The following MSRA variants were observed in gnomAD, a reference collection of about 807,000 sequenced individuals.
MSRA encodes mitochondrial peptide methionine sulfoxide reductase.
A neutral mutation model predicts 31.3 loss-of-function variants in MSRA; 54 were observed. That is an observed-to-expected ratio of 1.73 (90% CI 1.39 to 2.17). MSRA has a LOEUF of 2.17. Among genes scored for constraint, MSRA ranks in the 30% most tolerant of loss-of-function variants. The probability of loss-of-function intolerance (pLI) is 0.00; values close to 1 mark genes in which losing one functional copy is unlikely to be tolerated. For synonymous variants in MSRA, 169 were observed against 116.5 expected, an observed-to-expected ratio of 1.45 and a Z score of -2.90; for missense variants, 507 against 300.9, an observed-to-expected ratio of 1.69 and a Z score of -5.07.
intron 5 of MSRA, among the ~76,000 whole-genome samples, chr8:10,417,930 G>T (rs1808581219): frequency 6.6e-6 from 1 of 152,044 alleles, no homozygotes; most frequent in South Asian, 2.1e-4. Context: ...GCCGCTAGAG[G>T]GCGAAGTGAG....
At chr8:10,068,234 A>G (rs1345327592) in intron 1 of MSRA, among the ~76,000 whole-genome samples, 1 of 152,078 alleles carries the variant, frequency 6.6e-6, no homozygotes, top group African/African-American at 2.4e-5. Context: ...CCTTTATCAG[A>G]TGTGTCTTTT....
At chr8:10,279,379 G>A (rs1282572360) in intron 3 of MSRA, among the ~76,000 whole-genome samples, 1 of 152,168 alleles carries the variant, frequency 6.6e-6, no homozygotes, top group South Asian at 2.1e-4. Flanking sequence ...TAAGAAATCA[G>A]CAATATCAAA....
intron 1 of MSRA, among the ~76,000 whole-genome samples, chr8:10,093,272 C>T (rs916660773): frequency 2.0e-5 from 3 of 151,996 alleles, no homozygotes; most frequent in Admixed American, 1.3e-4. Context: ...TCTGTTACTA[C>T]CTTATTTTAT....
chr8:10,394,948 G>A (rs149740297), intron 5 of MSRA, among the ~76,000 whole-genome samples: 6 of 152,132 alleles, frequency 3.9e-5, no homozygotes, highest in Non-Finnish European at 5.9e-5. Flanking sequence ...GAGTCTCTTC[G>A]ATGTTGATGA....
chr8:10,374,749 G>A (rs1426060203), intron 5 of MSRA, among the ~76,000 whole-genome samples: 1 of 152,202 alleles, frequency 6.6e-6, no homozygotes, highest in Non-Finnish European at 1.5e-5. Flanking sequence ...TGTTGGATAT[G>A]GTTTGGATGT....
intron 2 of MSRA, among the ~76,000 whole-genome samples, chr8:10,209,332 C>G (rs116335116): frequency 0.02 from 3,062 of 152,252 alleles, 111 homozygotes; most frequent in African/African-American, 0.069. Context: ...ATATGAGAAA[C>G]TAAGTCTTAT....
intron 5 of MSRA, among the ~76,000 whole-genome samples, chr8:10,329,075 T>A (rs1802542390): frequency 6.6e-6 from 1 of 152,246 alleles, no homozygotes; most frequent in Non-Finnish European, 1.5e-5. Context: ...TTTGGTAGGA[T>A]TAAGTCAGTG....
chr8:10,195,299 G>C (rs1807872541), intron 1 of MSRA, among the ~76,000 whole-genome samples: 3 of 152,224 alleles, frequency 2.0e-5, no homozygotes, highest in Admixed American at 6.5e-5. Context: ...TCAGTGCAGT[G>C]GCACAATCTC....
intron 5 of MSRA, among the ~76,000 whole-genome samples, chr8:10,426,491 C>T (rs1809173014): frequency 6.6e-6 from 1 of 152,262 alleles, no homozygotes. Flanking sequence ...CTGCTTCCTG[C>T]AGAGTCCTGC....
At chr8:10,256,098 C>A (rs368065068) in intron 3 of MSRA, among the ~76,000 whole-genome samples, 16 of 152,230 alleles carry the variant, frequency 1.1e-4, no homozygotes, top group East Asian at 3.9e-4. Flanking sequence ...AATTTCACTG[C>A]CCTAAAATTC....
At chr8:10,179,348 C>A (rs1363903643) in intron 1 of MSRA, among the ~76,000 whole-genome samples, 1 of 152,142 alleles carries the variant, frequency 6.6e-6, no homozygotes, top group East Asian at 1.9e-4. Flanking sequence ...GGACTTTGGG[C>A]TGTAAGGGTT....
At chr8:10,211,762 C>G in intron 2 of MSRA, among the ~76,000 whole-genome samples, 1 of 152,124 alleles carries the variant, frequency 6.6e-6, no homozygotes, top group Non-Finnish European at 1.5e-5. Context: ...GAAAGGTTCT[C>G]TCTGGCCGTC....
At chr8:10,404,684 A>C (rs1317338737) in intron 5 of MSRA, among the ~76,000 whole-genome samples, 1 of 152,218 alleles carries the variant, frequency 6.6e-6, no homozygotes, top group Non-Finnish European at 1.5e-5. Context: ...TGTGTACACA[A>C]ACACAGCCCG....
chr8:10,059,935 C>T (rs140724401), intron 1 of MSRA, among the ~76,000 whole-genome samples: 1,583 of 152,262 alleles, frequency 0.01, 22 homozygotes, highest in African/African-American at 0.034. Context: ...TTCAGACTGG[C>T]AGAAATCCAG....
At chr8:10,129,750 A>T (rs1563129745) in intron 1 of MSRA, among the ~76,000 whole-genome samples, 1 of 152,202 alleles carries the variant, frequency 6.6e-6, no homozygotes, top group Non-Finnish European at 1.5e-5. Flanking sequence ...TAGGAAAAAT[A>T]AAGACATTCT....
chr8:10,200,091 G>A (rs1367004450), intron 1 of MSRA, among the ~76,000 whole-genome samples: 2 of 150,082 alleles, frequency 1.3e-5, no homozygotes, highest in African/African-American at 5.1e-5. Flanking sequence ...GGGGTTGCCT[G>A]GGGAGGTATG....
intron 4 of MSRA, among the ~76,000 whole-genome samples, chr8:10,310,397 A>C (rs550496903): frequency 6.6e-6 from 1 of 152,196 alleles, no homozygotes; most frequent in Non-Finnish European, 1.5e-5. Context: ...CTTCTATCAC[A>C]TTATCATACG....
At chr8:10,376,059 C>T (rs541306297) in intron 5 of MSRA, among the ~76,000 whole-genome samples, 29 of 152,258 alleles carry the variant, frequency 1.9e-4, no homozygotes, top group Non-Finnish European at 2.8e-4. Context: ...ATTGCGTCTT[C>T]GTGCAGCTTG....
intron 1 of MSRA, among the ~76,000 whole-genome samples, chr8:10,133,627 A>G (rs1224278996): frequency 1.3e-5 from 2 of 152,216 alleles, no homozygotes; most frequent in Non-Finnish European, 2.9e-5. Flanking sequence ...CAGTGGGGAA[A>G]AAAGACCTAC....
Sources: gnomAD v4.1 joint callset for allele counts (sites outside exome capture counted in the v4.1 genomes callset) on GRCh38, gnomAD v4.1.1 for gene constraint, MANE v1.5 for transcripts, NCBI Gene and HGNC (gene_info 2026-07-23, HGNC 2026-07-21) for gene names.